Variants in PLXDC2 observed in about 807,000 individuals in gnomAD.
PLXDC2 encodes plexin domain containing 2, also known as plexin domain-containing protein 2.
Under a neutral mutation model 68.9 loss-of-function variants are expected in PLXDC2, and 40 were observed. The ratio of observed to expected loss-of-function variants is 0.58; its 90% CI spans 0.45 to 0.76. PLXDC2 has a LOEUF of 0.76. Ranked by LOEUF, PLXDC2 falls within the 30% of genes least tolerant of loss-of-function variation. PLXDC2 has a pLI of 0.00. For synonymous variants in PLXDC2, 243 were observed against 234.2 expected (o/e 1.04, Z -0.34); for missense variants, 644 against 661.9 (o/e 0.97, Z 0.30).
intron 1 of PLXDC2, among the ~76,000 whole-genome samples, chr10:19,883,020 G>C (rs1386889365): frequency 6.8e-5 from 10 of 147,314 alleles, no homozygotes; most frequent in African/African-American, 2.0e-4. Flanking sequence ...GCAGTGGCTC[G>C]ATCTCGGCTC....
intron 1 of PLXDC2, among the ~76,000 whole-genome samples, chr10:19,842,437 A>G (rs1374099489): frequency 6.6e-6 from 1 of 152,090 alleles, no homozygotes; most frequent in Non-Finnish European, 1.5e-5. Flanking sequence ...AAATGTATAC[A>G]TTTCCCACCC....
intron 2 of PLXDC2, among the ~76,000 whole-genome samples, chr10:20,007,251 C>A (rs970670739): frequency 3.7e-4 from 57 of 152,174 alleles, no homozygotes; most frequent in African/African-American, 1.3e-3. Context: ...AATGATAGCA[C>A]CTCATAGGAT....
chr10:19,856,032 T>G (rs1589503044), intron 1 of PLXDC2, among the ~76,000 whole-genome samples: 1 of 152,144 alleles, frequency 6.6e-6, no homozygotes, highest in South Asian at 2.1e-4. Flanking sequence ...GAGGTGGAGG[T>G]TGCAGTGAGC....
chr10:20,075,847 AG>A (rs1395270403), intron 4 of PLXDC2, among the ~76,000 whole-genome samples: 2 of 152,202 alleles, frequency 1.3e-5, no homozygotes, highest in East Asian at 3.9e-4. Flanking sequence ...CATGGTCTCC[AG>A]GCTCATCCCC....
intron 4 of PLXDC2, among the ~76,000 whole-genome samples, chr10:20,112,071 A>G (rs1311779573): frequency 1.3e-5 from 2 of 152,142 alleles, no homozygotes; most frequent in Non-Finnish European, 2.9e-5. Flanking sequence ...ATGTGAGGAC[A>G]CAGCAAGAAG....
At chr10:20,108,587 A>G (rs752416035) in intron 4 of PLXDC2, among the ~76,000 whole-genome samples, 1 of 152,206 alleles carries the variant, frequency 6.6e-6, no homozygotes, top group Non-Finnish European at 1.5e-5. Context: ...GTAAAATCAT[A>G]TAATGGCAGA....
At chr10:19,823,324 A>G (rs1202084829) in intron 1 of PLXDC2, among the ~76,000 whole-genome samples, 2 of 151,948 alleles carry the variant, frequency 1.3e-5, no homozygotes, top group Non-Finnish European at 2.9e-5. Context: ...TCTTTGTGGG[A>G]TTCTTTTTGA....
At chr10:20,068,668 T>C (rs1308514811) in intron 4 of PLXDC2, among the ~76,000 whole-genome samples, 2 of 149,548 alleles carry the variant, frequency 1.3e-5, no homozygotes, top group African/African-American at 4.9e-5. Flanking sequence ...CATATATATA[T>C]ACACAAAAAC....
intron 4 of PLXDC2, among the ~76,000 whole-genome samples, chr10:20,073,081 A>T (rs544935402): frequency 2.6e-5 from 4 of 152,308 alleles, no homozygotes; most frequent in Admixed American, 2.6e-4. Flanking sequence ...AGTTTTAAGT[A>T]GAAACACAAA....
intron 1 of PLXDC2, among the ~76,000 whole-genome samples, chr10:19,994,700 C>A (rs552263595): frequency 1.3e-5 from 2 of 151,690 alleles, no homozygotes; most frequent in African/African-American, 4.8e-5. Context: ...TTTTAAGACA[C>A]CGTCTCAGAT....
intron 13 of PLXDC2, among the ~76,000 whole-genome samples, chr10:20,274,251 T>A (rs1835976208): frequency 6.6e-6 from 1 of 152,204 alleles, no homozygotes; most frequent in Non-Finnish European, 1.5e-5. Context: ...ATAATGCACA[T>A]TAAGTGTTTG....
At chr10:19,837,254 T>G (rs961603153) in intron 1 of PLXDC2, among the ~76,000 whole-genome samples, 5 of 152,140 alleles carry the variant, frequency 3.3e-5, no homozygotes, top group Admixed American at 6.5e-5. Context: ...CTTATGCAAG[T>G]TTGAAATTAC....
At chr10:20,085,382 C>T (rs960928260) in intron 4 of PLXDC2, among the ~76,000 whole-genome samples, 1 of 152,184 alleles carries the variant, frequency 6.6e-6, no homozygotes, top group Middle Eastern at 3.4e-3. Flanking sequence ...TTCCTGCTTA[C>T]AGGGCCTGCT....
intron 4 of PLXDC2, among the ~76,000 whole-genome samples, chr10:20,085,983 A>C (rs561425541): frequency 4.6e-5 from 7 of 152,332 alleles, no homozygotes; most frequent in African/African-American, 1.7e-4. Context: ...CCCTCAATAG[A>C]ATCTAATTAC....
chr10:20,272,349 AC>A (rs1835950656), intron 13 of PLXDC2, among the ~76,000 whole-genome samples: 1 of 152,140 alleles, frequency 6.6e-6, no homozygotes, highest in East Asian at 1.9e-4. Flanking sequence ...TCTGTCTTAG[AC>A]CAGGAGGACA....
At position 19,936,063 on chromosome 10, in the gene PLXDC2, G is replaced by A. The variant is rs533695209; in HGVS notation, c.113-65712G>A. 8.5e-4 allele frequency among the ~76,000 whole-genome samples: 129 copies of A among 152,282 alleles called. 1 individual carries two copies. Among genetic ancestry groups the A allele is most frequent in the African/African-American group, 3.0e-3 (126 of 41,570 alleles). ...AAACAAAATGTATAAATTTGCTCAT[G>A]GGGTGTCTTGATTTCTTTTTAACAA... On this transcript the variant is annotated intron_variant, in intron 1 of 13. Coordinates refer to ENST00000377252, the MANE Select transcript of PLXDC2 (RefSeq NM_032812.9).
At position 20,064,919 on chromosome 10, in the gene PLXDC2, T is replaced by C. The variant is rs927336504; in HGVS notation, c.472-3251T>C. The stretch of plus-strand genomic sequence containing the variant: ...TTGTTTTGTTTGTTTGGTTTTTTTT[T>C]CTCTACTTTTGCTCAGTCCATGGGG... On this transcript the variant is annotated intron_variant, in intron 3 of 13. Transcript: ENST00000377252. Among the ~76,000 whole-genome samples the C allele has an allele frequency of 2.2e-3, 318 of 145,934 alleles. 2 individuals are homozygous for C. Among genetic ancestry groups the C allele is most frequent in the African/African-American group, 7.5e-3 (296 of 39,512 alleles).
At chr10:20,272,171 T>C (rs1283821533) in intron 13 of PLXDC2, among the ~76,000 whole-genome samples, 2 of 152,152 alleles carry the variant, frequency 1.3e-5, no homozygotes, top group Non-Finnish European at 2.9e-5. Context: ...GAGGATTTGC[T>C]AAAATGAGCC....
intron 9 of PLXDC2, among the ~76,000 whole-genome samples, chr10:20,191,280 T>C (rs78429170): frequency 0.044 from 6,744 of 151,926 alleles, 217 homozygotes; most frequent in Middle Eastern, 0.088. Flanking sequence ...GACTAATTTT[T>C]TTCTCCTTCC....
Sources: allele counts gnomAD v4.1 joint callset (sites outside exome capture counted in the v4.1 genomes callset), GRCh38; gene constraint gnomAD v4.1.1; transcripts MANE v1.5; gene names NCBI Gene and HGNC (gene_info 2026-07-23, HGNC 2026-07-21).